GRTP1: variants seen among roughly 807,000 people sequenced by gnomAD.
The protein encoded by GRTP1 is growth hormone-regulated TBC protein 1.
GRTP1 carries 56 observed loss-of-function variants against 38.1 expected under a neutral mutation model. The ratio of observed to expected loss-of-function variants is 1.47; its 90% CI spans 1.19 to 1.84. The LOEUF (loss-of-function observed/expected upper bound fraction) is 1.84, where lower values mean the gene tolerates loss of function less well. Ranked by LOEUF, GRTP1 falls within the 40% of genes most tolerant of loss-of-function variation. The probability of loss-of-function intolerance (pLI) is 0.00; values close to 1 mark genes in which losing one functional copy is unlikely to be tolerated. For synonymous variants in GRTP1, 217 were observed against 189.5 expected (o/e 1.14, Z -1.19); for missense variants, 506 against 453.9 (o/e 1.11, Z -1.04).
At chr13:113,358,849 G>A (rs192543780) in intron 2 of GRTP1, among the ~76,000 whole-genome samples, 2 of 152,294 alleles carry the variant, frequency 1.3e-5, no homozygotes, top group Admixed American at 6.5e-5. Context: ...TTGGAAAGGC[G>A]GTTTGTAATT....
At chr13:113,326,486 A>G (rs1030838084) in intron 5 of GRTP1, among the ~76,000 whole-genome samples, 4 of 141,564 alleles carry the variant, frequency 2.8e-5, no homozygotes, top group Non-Finnish European at 5.9e-5. Flanking sequence ...CCTGGCTGAC[A>G]TGGCTGAAAC....
chr13:113,336,038 C>T (rs1330344158), intron 5 of GRTP1, among the ~76,000 whole-genome samples: 6 of 151,942 alleles, frequency 3.9e-5, no homozygotes, highest in East Asian at 1.9e-4. Context: ...GTGATCCACC[C>T]GCCTCGGCCT....
At chr13:113,329,206 C>T (rs779359201) in intron 5 of GRTP1, among the ~76,000 whole-genome samples, 1 of 152,150 alleles carries the variant, frequency 6.6e-6, no homozygotes, top group Non-Finnish European at 1.5e-5. Flanking sequence ...TCCTCCCTGG[C>T]CACCGACAGT....
Position 113,346,043 on chromosome 13 carries a change from GCCGAGAGCAGACCCGGGAGGAC to G in GRTP1, c.466-1106_466-1085del, listed in dbSNP as rs1566428774. 4.7e-4 allele frequency among the ~76,000 whole-genome samples: 39 copies of G among 83,206 alleles called. 3 individuals carry two copies. Among genetic ancestry groups the G allele is most frequent in the Admixed American group, 3.8e-3 (30 of 7,912 alleles). The allele number at this position is 83,206 out of a possible 152,430, so 54.6% of individuals were successfully genotyped here. A position where few individuals can be genotyped will look rare whatever the true frequency, so the allele number is the denominator to read the frequency against. On this transcript the variant is annotated intron_variant, in intron 4 of 7. Transcript: ENST00000375431. ...GAGCAGACCTGGGAAGACATCTGTG[GCCGAGAGCAGACCCGGGAGGAC>G]CTCTGCGGCTGAGCAGACCTGGGAA...
intron 5 of GRTP1, among the ~76,000 whole-genome samples, chr13:113,333,854 T>TG (rs2042914668): frequency 7.6e-6 from 1 of 131,134 alleles, no homozygotes; most frequent in South Asian, 2.8e-4. Context: ...TGTGTGTGTG[T>TG]GTGTGTGTGT....
intron 5 of GRTP1, among the ~76,000 whole-genome samples, chr13:113,341,329 T>C (rs1189631309): frequency 1.3e-5 from 2 of 151,848 alleles, no homozygotes; most frequent in African/African-American, 2.4e-5. Flanking sequence ...TGCAGTGGTG[T>C]GATCTCGGCT....
chr13:113,331,985 T>G (rs145679903), intron 5 of GRTP1, among the ~76,000 whole-genome samples: 1 of 150,964 alleles, frequency 6.6e-6, no homozygotes, highest in East Asian at 2.0e-4. Flanking sequence ...AAAGGTATTT[T>G]GGGCCGGGTG....
At chr13:113,339,544 A>T (rs886421644) in intron 5 of GRTP1, 2 of 152,250 alleles carry the variant, frequency 1.3e-5, no homozygotes, top group Non-Finnish European at 2.9e-5. Context: ...TCTTCCATAC[A>T]GTCAACTGTC....
intron 3 of GRTP1, among the ~76,000 whole-genome samples, chr13:113,353,361 G>T (rs1231606463): frequency 6.6e-6 from 1 of 152,242 alleles, no homozygotes; most frequent in Admixed American, 6.5e-5. Flanking sequence ...AGAGCCCAGG[G>T]GTCCACTGAT....
chr13:113,325,159 G>C (rs2042740796), intron 7 of GRTP1: 6 of 1,041,374 alleles, frequency 5.8e-6, no homozygotes, highest in Non-Finnish European at 5.8e-6. Context: ...TGAAGGCCCA[G>C]CTGCTGAAAT....
intron 4 of GRTP1, among the ~76,000 whole-genome samples, chr13:113,347,931 AGGACCTCTGAGGCCGAGAGCGGACCCG>A (rs1248041182): frequency 1.0e-4 from 15 of 148,184 alleles, no homozygotes; most frequent in South Asian, 4.4e-4. Flanking sequence ...CGGACCTGGG[AGGACCTCTGAGGCCGAGAGCGGACCCG>A]GGAGGACCTC....
intron 5 of GRTP1, among the ~76,000 whole-genome samples, chr13:113,340,570 A>G (rs1301006549): frequency 1.3e-5 from 2 of 152,076 alleles, no homozygotes; most frequent in Non-Finnish European, 2.9e-5. Flanking sequence ...ACCTGAGGTC[A>G]GGAGTTTGAG....
intron 5 of GRTP1, among the ~76,000 whole-genome samples, chr13:113,344,602 A>T (rs1025346252): frequency 6.6e-6 from 1 of 150,726 alleles, no homozygotes; most frequent in Non-Finnish European, 1.5e-5. Context: ...AATCCCAGCT[A>T]CTTGGGAGGC....
At chr13:113,352,300 ATT>A in intron 3 of GRTP1, among the ~76,000 whole-genome samples, 1 of 40,996 alleles carries the variant, frequency 2.4e-5, no homozygotes, top group East Asian at 9.9e-4. Context: ...ATTTATATAT[ATT>A]TTATATATAT....
intron 5 of GRTP1, among the ~76,000 whole-genome samples, chr13:113,333,851 G>T (rs1266021729): frequency 3.1e-5 from 4 of 127,134 alleles, no homozygotes; most frequent in African/African-American, 8.6e-5. Context: ...GTGTGTGTGT[G>T]TGTGTGTGTG....
At position 113,343,274 on chromosome 13, in the gene GRTP1, G is replaced by C. The variant is rs914085210; in HGVS notation, c.562+1589C>G. 2.6e-5 allele frequency among the ~76,000 whole-genome samples: 4 copies of C among 152,058 alleles called. No homozygotes were observed. Among genetic ancestry groups the C allele is most frequent in the African/African-American group, 9.7e-5 (4 of 41,396 alleles). On this transcript the variant is annotated intron_variant, in intron 5 of 7. Coordinates refer to ENST00000375431, the MANE Select transcript of GRTP1 (RefSeq NM_024719.4). The surrounding 1 kb of genome is among the most constrained non-coding windows in gnomAD (Gnocchi z 4.8). ...ATTCCACCTGGTCCAGGTGTTCACC[G>C]AACTGAGCTGAGACAGCCGGCATCC...
rs1055491712 is a variant in GRTP1, at chr13:113,343,901, C to A, written c.562+962G>T. Among the ~76,000 whole-genome samples the A allele has an allele frequency of 2.1e-4, 32 of 152,202 alleles. No individual in the cohort carries two copies. The highest frequency in any genetic ancestry group is 6.3e-4 in the African/African-American group (26 of 41,450). On this transcript the variant is annotated intron_variant, in intron 5 of 7. Transcript: ENST00000375431. The surrounding 1 kb of genome is among the most constrained non-coding windows in gnomAD (Gnocchi z 4.8). The stretch of plus-strand genomic sequence containing the variant: ...GGTCTCAGCCCCAGGCCCTGCCCAC[C>A]CGACTGATCCTCAGCTTCTCTTCCC...
intron 3 of GRTP1, chr13:113,351,727 C>T (rs1179854250): frequency 6.6e-6 from 1 of 152,324 alleles, no homozygotes; most frequent in African/African-American, 2.4e-5. Context: ...ACCCTGGACA[C>T]AAGCCGAGCA....
At chr13:113,341,422 A>C (rs374739500) in intron 5 of GRTP1, among the ~76,000 whole-genome samples, 15 of 152,152 alleles carry the variant, frequency 9.9e-5, no homozygotes, top group African/African-American at 3.6e-4. Flanking sequence ...ACCCGCCACC[A>C]CGCCCAGCTA....
Sources: allele counts gnomAD v4.1 joint callset (sites outside exome capture counted in the v4.1 genomes callset), GRCh38; gene constraint gnomAD v4.1.1; non-coding constraint Gnocchi (gnomAD v3.1); transcripts MANE v1.5; gene names NCBI Gene and HGNC (gene_info 2026-07-23, HGNC 2026-07-21).